The following SRGAP1 variants were observed in gnomAD, a reference collection of about 807,000 sequenced individuals.
The protein encoded by SRGAP1 is SLIT-ROBO Rho GTPase activating protein 1, also known as SLIT-ROBO Rho GTPase-activating protein 1.
SRGAP1 carries 43 observed loss-of-function variants against 121.9 expected under a neutral mutation model. The observed-to-expected ratio is 0.35, with a 90% CI of 0.28 to 0.46. SRGAP1 has a LOEUF of 0.46. Ranked by LOEUF, SRGAP1 falls within the 20% of genes least tolerant of loss-of-function variation. SRGAP1 has a pLI of 1.00. For missense variants in SRGAP1, 1,102 were observed against 1,350.9 expected, an observed-to-expected ratio of 0.82 and a Z score of 2.89; for synonymous variants, 447 against 485.4, an observed-to-expected ratio of 0.92 and a Z score of 1.04.
chr12:63,879,579 TC>T (rs2136284820), intron 1 of SRGAP1: 1 of 152,326 alleles, frequency 6.6e-6, no homozygotes, highest in African/African-American at 2.4e-5. Flanking sequence ...TCTCTGTATT[TC>T]TTTGGGGACT....
At chr12:63,927,230 A>G (rs1314919505) in intron 1 of SRGAP1, among the ~76,000 whole-genome samples, 1 of 152,160 alleles carries the variant, frequency 6.6e-6, no homozygotes, top group Non-Finnish European at 1.5e-5. Flanking sequence ...TTCCTATTCT[A>G]CAGTTCTAGA....
chr12:64,125,819 T>G (rs1454515086), intron 18 of SRGAP1, among the ~76,000 whole-genome samples, 158 bp from the exon 19 acceptor site: 1 of 152,186 alleles, frequency 6.6e-6, no homozygotes, highest in Non-Finnish European at 1.5e-5. Flanking sequence ...TTAAACAGCC[T>G]CTATTTTCTC....
chr12:64,008,028 C>T (rs559724263), intron 3 of SRGAP1, among the ~76,000 whole-genome samples: 21 of 152,206 alleles, frequency 1.4e-4, no homozygotes, highest in African/African-American at 4.8e-4. Flanking sequence ...ATCATAATGA[C>T]AATAAGAGAT....
At chr12:63,966,880 G>T (rs948797016) in intron 1 of SRGAP1, among the ~76,000 whole-genome samples, 7 of 152,150 alleles carry the variant, frequency 4.6e-5, no homozygotes, top group Non-Finnish European at 8.8e-5. Flanking sequence ...TCCCAGATTA[G>T]GAAAAGATGT....
rs190547961 is a variant in SRGAP1 at position 64,030,756 on chromosome 12, T to C, written c.490-12034T>C. On this transcript the variant is annotated intron_variant, in intron 4 of 21. Coordinates refer to ENST00000355086, the MANE Select transcript of SRGAP1 (RefSeq NM_020762.4). Reference sequence around the variant, plus strand: ...GATCGATAATCAGTTTGGGAGCTAATTAAAGTCACTAGAGTAATAGATATC... The same window carrying C: ...GATCGATAATCAGTTTGGGAGCTAACTAAAGTCACTAGAGTAATAGATATC... Among the ~76,000 whole-genome samples, 13 of 152,312 alleles carry C rather than the reference T, an allele frequency of 8.5e-5. 1 individual carries two copies. The East Asian group carries it at 2.5e-3, about 29-fold the overall frequency.
At chr12:63,998,934 C>A (rs2033795457) in intron 3 of SRGAP1, among the ~76,000 whole-genome samples, 3 of 152,038 alleles carry the variant, frequency 2.0e-5, no homozygotes. Flanking sequence ...CAGCAGTAAC[C>A]AATACAGGCC....
chr12:64,047,301 T>C (rs551387568), intron 6 of SRGAP1, among the ~76,000 whole-genome samples: 1 of 152,288 alleles, frequency 6.6e-6, no homozygotes, highest in Non-Finnish European at 1.5e-5. Context: ...AATGGTTGCT[T>C]ATTTTGTAGG....
At position 63,930,352 on chromosome 12, in the gene SRGAP1, AG is replaced by A. The variant is rs1343302160; in HGVS notation, c.68-53591del. Reference sequence around the variant, plus strand: ...CTAAAAAAAAAAAAAAAAAAAAAAAAGGGGAGCCCTCTTTTTATTCAAATCA... The same window carrying A: ...CTAAAAAAAAAAAAAAAAAAAAAAAAGGGAGCCCTCTTTTTATTCAAATCA... On this transcript the variant is annotated intron_variant, in intron 1 of 21. Coordinates refer to ENST00000355086, the MANE Select transcript of SRGAP1 (RefSeq NM_020762.4). Among the ~76,000 whole-genome samples the A allele has an allele frequency of 6.5e-4, 92 of 142,316 alleles. 1 individual carries two copies. Among genetic ancestry groups the A allele is most frequent in the African/African-American group, 2.3e-3 (83 of 35,374 alleles). 93.4% of individuals were successfully genotyped at this position (142,316 alleles called of 152,430 possible).
chr12:64,011,352 A>G (rs2034246888), intron 3 of SRGAP1, among the ~76,000 whole-genome samples: 1 of 152,206 alleles, frequency 6.6e-6, no homozygotes, highest in Admixed American at 6.5e-5. Context: ...AAAAGCAGCC[A>G]GTCTTAGAGG....
rs1363846228 is a variant in SRGAP1, at chr12:64,093,186, A to AC, written c.1540-1741dup. 3.3e-5 allele frequency among the ~76,000 whole-genome samples: 5 copies of AC among 152,074 alleles called. No homozygotes were observed. In the East Asian group the frequency reaches 5.8e-4, roughly 18 times the overall value. On this transcript the variant is annotated intron_variant, in intron 12 of 21. Transcript: ENST00000355086. ...TTAGTTTGAATGATAGATGGAATGC[A>AC]CCCCCATTGTTCTTATAAAATATTT...
rs2136666239 is a variant in SRGAP1, at chr12:64,153,481, A to AAC, written c.*10810_*10811insCA. The stretch of plus-strand genomic sequence containing the variant: ...CAGTGAGACTCCATCTCAAAAAAAA[A>AAC]AAAAAAAGTAAGGTACTTAGATGTC... On this transcript the variant is annotated 3_prime_UTR_variant, in exon 22 of 22. Transcript: ENST00000355086. The AAC allele has an allele frequency of 6.6e-6, 1 of 152,118 alleles. No homozygotes were observed. The highest frequency in any genetic ancestry group is 2.4e-5 in the African/African-American group (1 of 41,480). The allele number at this position is 152,118 out of a possible 1,614,324, so 9.4% of individuals were successfully genotyped here. A position where few individuals can be genotyped will look rare whatever the true frequency, so the allele number is the denominator to read the frequency against.
In SRGAP1 at chr12:64,030,064, C is replaced by T. The variant is rs544289525; in HGVS notation, c.490-12726C>T. On this transcript the variant is annotated intron_variant, in intron 4 of 21. Transcript: ENST00000355086. ...AATTAGAATTTATTGGATAAAATAG[C>T]ATTTATTTCATGTCGAAATCTCTGG... is the stretch of plus-strand genomic sequence containing the variant. Among the ~76,000 whole-genome samples, 4 of 152,182 alleles carry T rather than the reference C, an allele frequency of 2.6e-5. No individual in the cohort carries two copies. The East Asian group carries it at 7.7e-4, about 29-fold the overall frequency.
At chr12:63,960,330 A>G (rs1367822612) in intron 1 of SRGAP1, among the ~76,000 whole-genome samples, 3 of 151,836 alleles carry the variant, frequency 2.0e-5, no homozygotes, top group Non-Finnish European at 2.9e-5. Context: ...AGTGCTTCCC[A>G]TGTTTGTCCG....
intron 3 of SRGAP1, among the ~76,000 whole-genome samples, chr12:63,991,143 G>A (rs757528436): frequency 6.6e-6 from 1 of 152,124 alleles, no homozygotes; most frequent in Non-Finnish European, 1.5e-5. Flanking sequence ...CATTTTTTAT[G>A]CTTGCAAGAT....
chr12:63,950,896 C>T (rs1042271592), intron 1 of SRGAP1, among the ~76,000 whole-genome samples: 7 of 151,934 alleles, frequency 4.6e-5, no homozygotes, highest in African/African-American at 1.7e-4. Flanking sequence ...TCCACCCCAC[C>T]CCACCCCCAT....
chr12:63,859,077 G>T (rs1256646295), intron 1 of SRGAP1, among the ~76,000 whole-genome samples: 1 of 152,144 alleles, frequency 6.6e-6, no homozygotes, highest in Non-Finnish European at 1.5e-5. Flanking sequence ...ACTGATGATA[G>T]TATTCTCTTA....
intron 16 of SRGAP1, among the ~76,000 whole-genome samples, chr12:64,110,737 A>C (rs1040768598): frequency 2.6e-5 from 4 of 152,168 alleles, no homozygotes; most frequent in African/African-American, 9.7e-5. Context: ...ATTTTTTAAA[A>C]AATATTGTGT....
intron 8 of SRGAP1, among the ~76,000 whole-genome samples, chr12:64,068,959 G>A (rs887996133): frequency 6.7e-6 from 1 of 149,548 alleles, no homozygotes; most frequent in African/African-American, 2.5e-5. Context: ...GCAGTGAGCC[G>A]AGATCATGCC....
chr12:64,108,966 C>T lies in SRGAP1; in HGVS notation c.1848C>T (p.Ile616=). The change falls in exon 16 of 22, where the codon ATC becomes ATT. Residue 616 remains isoleucine (I), a synonymous_variant. Coordinates refer to ENST00000355086, the MANE Select transcript of SRGAP1 (RefSeq NM_020762.4). ...ATCTCTATGAGAGGGCGCTTCACATCCGCAAACTCCTCCTGACTTTGCCCA... is the reference window on the plus strand; with the variant it reads ...ATCTCTATGAGAGGGCGCTTCACATTCGCAAACTCCTCCTGACTTTGCCCA... The part of the protein sequence containing the change: ...IDNLYERALH[I]RKLLLTLPRS... 6.2e-7 allele frequency: 1 copy of T among 1,604,864 alleles called. No individual in the cohort carries two copies. The highest frequency in any genetic ancestry group is 8.5e-7 in the Non-Finnish European group (1 of 1,173,760).
Sources: gnomAD v4.1 joint callset for allele counts (sites outside exome capture counted in the v4.1 genomes callset) on GRCh38, gnomAD v4.1.1 for gene constraint, MANE v1.5 for transcripts, NCBI Gene and HGNC (gene_info 2026-07-23, HGNC 2026-07-21) for gene names.